The following SLC5A1 variants were observed in gnomAD, a reference collection of about 807,000 sequenced individuals.
SLC5A1 encodes the protein solute carrier family 5 member 1, also known as sodium/glucose cotransporter 1.
In SLC5A1, 42 loss-of-function variants were observed where a neutral mutation model predicts 73.5. The ratio of observed to expected loss-of-function variants is 0.57; its 90% CI spans 0.45 to 0.74. The LOEUF (loss-of-function observed/expected upper bound fraction) is 0.74. SLC5A1 is among the 30% of genes least tolerant of loss of function. The pLI is 0.00. For synonymous variants in SLC5A1, 300 were observed against 317.4 expected, an observed-to-expected ratio of 0.95 and a Z score of 0.58; for missense variants, 634 against 855.4, an observed-to-expected ratio of 0.74 and a Z score of 3.23.
chr22:32,068,088 C>T, intron 4 of SLC5A1, 62 bp downstream of exon 4: 1 of 1,510,262 alleles, frequency 6.6e-7, no homozygotes. Context: ...CTTGGTCTTC[C>T]TAGAGGGCAG....
intron 5 of SLC5A1, among the ~76,000 whole-genome samples, chr22:32,069,157 T>C (rs566485250): frequency 9.2e-5 from 14 of 152,098 alleles, no homozygotes; most frequent in African/African-American, 2.4e-4. Context: ...CTGAAGAACA[T>C]TGTGTTAAGT....
chr22:32,083,749 G>T (rs78000724), intron 7 of SLC5A1, among the ~76,000 whole-genome samples: 6,820 of 152,066 alleles, frequency 0.045, 206 homozygotes, highest in Non-Finnish European at 0.07. Flanking sequence ...CTTATTATGG[G>T]AGGATAGAAA....
chr22:32,086,463 G>A, intron 10 of SLC5A1, 136 bp downstream of exon 10: 1 of 703,080 alleles, frequency 1.4e-6, no homozygotes, highest in Non-Finnish European at 2.6e-6. Context: ...GCATCATTGT[G>A]GGTGTCCTCA....
At position 32,045,696 on chromosome 22, in the gene SLC5A1, G is replaced by A. The variant is rs150820648; in HGVS notation, c.135+2280G>A. 2.5e-3 allele frequency among the ~76,000 whole-genome samples: 378 copies of A among 152,268 alleles called. 2 individuals carry two copies. Among genetic ancestry groups the A allele is most frequent in the African/African-American group, 8.3e-3 (345 of 41,546 alleles). On this transcript the variant is annotated intron_variant, in intron 1 of 14. Coordinates refer to ENST00000266088, the MANE Select transcript of SLC5A1 (RefSeq NM_000343.4). Reference sequence around the variant, plus strand: ...TCCTCCAATCATATTTTAGAATTTGGCTTCTTACTTCTTCAGAGTTAATTT... The same window carrying A: ...TCCTCCAATCATATTTTAGAATTTGACTTCTTACTTCTTCAGAGTTAATTT...
At position 32,043,479 on chromosome 22, in the gene SLC5A1, G is replaced by A. The variant is rs1170778917; in HGVS notation, c.135+63G>A. 2.9e-5 allele frequency: 45 copies of A among 1,571,630 alleles called. No individual in the cohort carries two copies. In the Middle Eastern group the frequency reaches 1.0e-3, roughly 35 times the overall value. Reference sequence around the variant, plus strand: ...CGCACAGAGGAGGAGCAATGGCCTCGCTGAGCTGCAAGGGGCAGTAGGCTT... The same window carrying A: ...CGCACAGAGGAGGAGCAATGGCCTCACTGAGCTGCAAGGGGCAGTAGGCTT... On this transcript the variant is annotated intron_variant, in intron 1 of 14. Coordinates refer to ENST00000266088, the MANE Select transcript of SLC5A1 (RefSeq NM_000343.4). The surrounding 1 kb of genome is among the most constrained non-coding windows in gnomAD (Gnocchi z 6.5).
At chr22:32,046,406 C>G (rs1439239838) in intron 1 of SLC5A1, among the ~76,000 whole-genome samples, 1 of 147,592 alleles carries the variant, frequency 6.8e-6, no homozygotes, top group Non-Finnish European at 1.5e-5. Flanking sequence ...TTCTTTAGAT[C>G]ATTTGACAAA....
At chr22:32,073,969 T>C (rs1258735605) in intron 5 of SLC5A1, among the ~76,000 whole-genome samples, 1 of 152,052 alleles carries the variant, frequency 6.6e-6, no homozygotes, top group East Asian at 1.9e-4. Flanking sequence ...GCTAGAGAAA[T>C]CGGGCTTTGG....
At chr22:32,078,442 A>AT (rs2093994304) in intron 5 of SLC5A1, among the ~76,000 whole-genome samples, 1 of 151,708 alleles carries the variant, frequency 6.6e-6, no homozygotes, top group African/African-American at 2.4e-5. Flanking sequence ...TAATTTTTGT[A>AT]TTTTTAGTAG....
intron 5 of SLC5A1, among the ~76,000 whole-genome samples, chr22:32,071,424 T>C (rs2149489063): frequency 6.6e-6 from 1 of 152,310 alleles, no homozygotes; most frequent in Admixed American, 6.5e-5. Context: ...CACTCCAGCC[T>C]GGGTGACATA....
intron 2 of SLC5A1, among the ~76,000 whole-genome samples, chr22:32,059,643 T>A (rs1350286364): frequency 1.3e-5 from 2 of 151,862 alleles, no homozygotes; most frequent in African/African-American, 4.8e-5. Flanking sequence ...TGCCTGTAAT[T>A]CCTCTTCTGA....
chr22:32,063,062 A>G (rs1856335100), intron 2 of SLC5A1, among the ~76,000 whole-genome samples: 1 of 151,916 alleles, frequency 6.6e-6, no homozygotes, highest in Non-Finnish European at 1.5e-5. Context: ...ATATGGGGAG[A>G]GAGAGAAAGA....
intron 11 of SLC5A1, among the ~76,000 whole-genome samples, chr22:32,097,482 TAAG>T (rs1284294877): frequency 6.6e-6 from 1 of 152,174 alleles, no homozygotes; most frequent in South Asian, 2.1e-4. Context: ...AGAGCACAAA[TAAG>T]AAGAGCTTGC....
intron 11 of SLC5A1, among the ~76,000 whole-genome samples, chr22:32,096,240 T>C (rs1055385625): frequency 2.0e-5 from 3 of 152,182 alleles, no homozygotes; most frequent in East Asian, 1.9e-4. Context: ...TTGGAGATCA[T>C]TGAACAATGC....
intron 2 of SLC5A1, among the ~76,000 whole-genome samples, chr22:32,056,580 T>C (rs1423286352): frequency 1.3e-5 from 2 of 152,082 alleles, no homozygotes; most frequent in African/African-American, 4.8e-5. Flanking sequence ...GTGTTCTGAT[T>C]ATGTTAAAGT....
At chr22:32,098,145 C>T (rs1401801135) in intron 11 of SLC5A1, among the ~76,000 whole-genome samples, 7 of 152,178 alleles carry the variant, frequency 4.6e-5, no homozygotes, top group Non-Finnish European at 2.9e-5. Context: ...GGCAGTTTCT[C>T]ATAAAGTTGG....
Position 32,110,274 on chromosome 22 carries a change from G to A in SLC5A1, c.*61G>A, listed in dbSNP as rs1298394655. The A allele has an allele frequency of 5.3e-6, 7 of 1,315,174 alleles. No individual in the cohort carries two copies. The highest frequency in any genetic ancestry group is 4.6e-5 in the East Asian group (2 of 43,560). 81.5% of individuals were successfully genotyped at this position (1,315,174 alleles called of 1,614,324 possible). A position where few individuals can be genotyped will look rare whatever the true frequency, so the allele number is the denominator to read the frequency against. On this transcript the variant is annotated 3_prime_UTR_variant, in exon 15 of 15. Coordinates refer to ENST00000266088, the MANE Select transcript of SLC5A1 (RefSeq NM_000343.4). Reference sequence around the variant, plus strand: ...CTCTTACTCACCTTCCTTTAGTCTCGTCCTGTGGTGTTGAAGGGAAATCAG... The same window carrying A: ...CTCTTACTCACCTTCCTTTAGTCTCATCCTGTGGTGTTGAAGGGAAATCAG...
intron 5 of SLC5A1, among the ~76,000 whole-genome samples, chr22:32,072,610 TATC>T (rs1386810903): frequency 1.3e-5 from 2 of 152,208 alleles, no homozygotes; most frequent in Non-Finnish European, 2.9e-5. Context: ...ATTGTGCTAT[TATC>T]ATATCTAACA....
At chr22:32,084,801 A>T (rs1247164817) in intron 8 of SLC5A1, 99 bp from the exon 9 acceptor site, 1 of 1,562,746 alleles carries the variant, frequency 6.4e-7, no homozygotes, top group East Asian at 2.2e-5. Flanking sequence ...GTGATACAGC[A>T]GTGCCAGGCC....
At chr22:32,071,198 T>C (rs1021158365) in intron 5 of SLC5A1, among the ~76,000 whole-genome samples, 4 of 152,198 alleles carry the variant, frequency 2.6e-5, no homozygotes, top group African/African-American at 7.2e-5. Flanking sequence ...ATGCCTGTAA[T>C]CCCAGCACTT....
Sources: allele counts gnomAD v4.1 joint callset (sites outside exome capture counted in the v4.1 genomes callset), GRCh38; gene constraint gnomAD v4.1.1; non-coding constraint Gnocchi (gnomAD v3.1); transcripts MANE v1.5; gene names NCBI Gene and HGNC (gene_info 2026-07-23, HGNC 2026-07-21).